The following DMD variants were observed in gnomAD, a reference collection of about 807,000 sequenced individuals.
DMD encodes dystrophin.
A neutral mutation model predicts 330.1 loss-of-function variants in DMD; 63 were observed. The ratio of observed to expected loss-of-function variants is 0.19; its 90% CI spans 0.16 to 0.24. The LOEUF (loss-of-function observed/expected upper bound fraction) is 0.24, where lower values mean the gene tolerates loss of function less well. Among genes scored for constraint, DMD ranks in the 10% least tolerant of loss-of-function variants. The probability of loss-of-function intolerance (pLI) is 1.00; values close to 1 mark genes in which losing one functional copy is unlikely to be tolerated. For synonymous variants in DMD, 1,223 were observed against 959.8 expected (o/e 1.27, Z -5.07); for missense variants, 3,344 against 2,684.1 (o/e 1.25, Z -5.43).
chrX:31,218,026 A>G (rs1020157636), intron 64 of DMD, among the ~76,000 whole-genome samples: 2 of 111,806 alleles, frequency 1.8e-5, no homozygotes, highest in Non-Finnish European at 3.8e-5. Context: ...AAAATTTTGT[A>G]TATTATGAAA....
intron 62 of DMD, among the ~76,000 whole-genome samples, chrX:31,266,527 C>G (rs1044242953): frequency 1.8e-5 from 2 of 112,655 alleles, no homozygotes; most frequent in Non-Finnish European, 3.8e-5. Context: ...GCGTTATCCC[C>G]TCTGGGGACG....
chrX:31,744,308 GAC>G (rs765613152), intron 51 of DMD, among the ~76,000 whole-genome samples: 1 of 111,552 alleles, frequency 9.0e-6, no homozygotes, highest in Non-Finnish European at 1.9e-5. Context: ...ACCAAAACGT[GAC>G]ACAGAGACGT....
chrX:32,692,517 G>A (rs1286574209), intron 9 of DMD, among the ~76,000 whole-genome samples: 3 of 111,585 alleles, frequency 2.7e-5, no homozygotes, highest in Non-Finnish European at 5.6e-5. Flanking sequence ...GAGATAGAGT[G>A]AAAAATCTCC....
At chrX:31,388,629 C>A (rs1488676543) in intron 60 of DMD, among the ~76,000 whole-genome samples, 1 of 111,652 alleles carries the variant, frequency 9.0e-6, no homozygotes, top group Non-Finnish European at 1.9e-5. Flanking sequence ...AGGCCAGGAG[C>A]GGTGGCTCAT....
At chrX:32,532,030 A>G (rs745948225) in intron 17 of DMD, among the ~76,000 whole-genome samples, 1 of 111,309 alleles carries the variant, frequency 9.0e-6, no homozygotes, top group Non-Finnish European at 1.9e-5. Flanking sequence ...TTCTAATCTG[A>G]TGATACAATT....
At chrX:33,008,854 G>A (rs866759152) in intron 2 of DMD, among the ~76,000 whole-genome samples, 1 of 54,766 alleles carries the variant, frequency 1.8e-5, no homozygotes, top group Non-Finnish European at 3.9e-5. Flanking sequence ...ATATGTATAC[G>A]TGTATATATA....
At chrX:33,234,100 C>G (rs767985937) in intron 1 of DMD, among the ~76,000 whole-genome samples, 1 of 111,711 alleles carries the variant, frequency 9.0e-6, no homozygotes, top group South Asian at 3.7e-4. Flanking sequence ...TGCTCTATAC[C>G]GGTCCTCAGA....
At chrX:32,044,471 G>C (rs1284831645) in intron 44 of DMD, among the ~76,000 whole-genome samples, 2 of 109,723 alleles carry the variant, frequency 1.8e-5, no homozygotes, top group African/African-American at 6.7e-5. Flanking sequence ...GCCCAGGTTG[G>C]AGTGCAGTGG....
chrX:31,373,439 G>C (rs186264051), intron 60 of DMD, among the ~76,000 whole-genome samples: 21,251 of 83,961 alleles, frequency 0.25, 3,836 homozygotes, highest in East Asian at 0.42. Context: ...GCTACAGGAA[G>C]CAAAACAGCA....
chrX:32,644,280 G>C lies in DMD; in HGVS notation c.1183C>G (p.Arg395Gly), dbSNP rs780356433. ...YMMDLTAHQG[R>G]VGNILQLGSK... ...CCCAATTGTAGAATATTACCAACCC[G>C]GCCCTGATGGGCTGTCAAATCCATC... is the stretch of plus-strand genomic sequence containing the variant. Residue 395 changes from arginine (R) to glycine (G), a missense_variant, in exon 11 of 79, where the codon CGG becomes GGG. Physicochemically the swap from Arg to Gly is moderately radical, Grantham distance 125 (BLOSUM62 -2). Coordinates refer to ENST00000357033, the MANE Select transcript of DMD (RefSeq NM_004006.3). 1.7e-6 allele frequency: 2 copies of C among 1,210,418 alleles called. No individual in the cohort carries two copies. Among genetic ancestry groups the C allele is most frequent in the Non-Finnish European group, 2.2e-6 (2 of 895,034 alleles).
chrX:31,945,908 C>T (rs1034144711), intron 45 of DMD, among the ~76,000 whole-genome samples: 2 of 111,723 alleles, frequency 1.8e-5, no homozygotes, highest in African/African-American at 3.3e-5. Flanking sequence ...GTTTTCTAAA[C>T]ATTATTAATC....
At chrX:32,129,853 T>C (rs2096681839) in intron 44 of DMD, among the ~76,000 whole-genome samples, 1 of 110,172 alleles carries the variant, frequency 9.1e-6, no homozygotes, top group Non-Finnish European at 1.9e-5. Context: ...AGGGCAGACA[T>C]CAGCAAGTGC....
chrX:31,663,130 G>A (rs1215419997), intron 53 of DMD, among the ~76,000 whole-genome samples: 1 of 111,767 alleles, frequency 8.9e-6, no homozygotes, highest in Non-Finnish European at 1.9e-5. Context: ...AAGAGCATGA[G>A]AAAGGGTGAA....
At chrX:31,129,850 G>T (rs1401557747) in intron 77 of DMD, among the ~76,000 whole-genome samples, 1 of 112,104 alleles carries the variant, frequency 8.9e-6, no homozygotes, top group Non-Finnish European at 1.9e-5. Flanking sequence ...AAGAACCACA[G>T]AATAAGATTT....
intron 55 of DMD, among the ~76,000 whole-genome samples, chrX:31,518,175 C>T (rs1277423123): frequency 9.0e-6 from 1 of 111,453 alleles, no homozygotes; most frequent in Non-Finnish European, 1.9e-5. Context: ...AAAAAGAAGC[C>T]GTGGACCCAG....
At chrX:33,226,422 G>A (rs868474846) in intron 1 of DMD, among the ~76,000 whole-genome samples, 21 of 111,751 alleles carry the variant, frequency 1.9e-4, no homozygotes, top group Admixed American at 4.8e-4. Context: ...TTACAAATCT[G>A]GAAGAATCTC....
intron 60 of DMD, among the ~76,000 whole-genome samples, chrX:31,351,159 T>TACACACACAC (rs3061695): frequency 4.9e-3 from 520 of 105,104 alleles, no homozygotes; most frequent in East Asian, 0.023. Context: ...CATACATATA[T>TACACACACAC]ACACACACAC....
At chrX:32,126,372 T>C (rs1406778652) in intron 44 of DMD, among the ~76,000 whole-genome samples, 1 of 112,004 alleles carries the variant, frequency 8.9e-6, no homozygotes, top group Non-Finnish European at 1.9e-5. Context: ...CGGTATCCAC[T>C]TAATAGATGT....
chrX:32,838,595 G>A (rs1429646299), intron 4 of DMD, among the ~76,000 whole-genome samples: 1 of 111,665 alleles, frequency 9.0e-6, no homozygotes, highest in African/African-American at 3.3e-5. Flanking sequence ...TTTTATGGCT[G>A]CATAGTATTC....
Sources: allele counts gnomAD v4.1 joint callset (sites outside exome capture counted in the v4.1 genomes callset), GRCh38; gene constraint gnomAD v4.1.1; transcripts MANE v1.5; gene names NCBI Gene and HGNC (gene_info 2026-07-23, HGNC 2026-07-21).